The following MBLAC1 variants were observed in gnomAD, a reference collection of about 807,000 sequenced individuals.
MBLAC1 encodes the protein metallo-beta-lactamase domain-containing protein 1.
In MBLAC1, 1 loss-of-function variant was observed where a neutral mutation model predicts 1.5. The ratio of observed to expected loss-of-function variants is 0.68; its 90% CI spans 0.24 to 3.21. The LOEUF (loss-of-function observed/expected upper bound fraction) is 3.21. Ranked by LOEUF, MBLAC1 falls within the 30% of genes most tolerant of loss-of-function variation. The probability of loss-of-function intolerance (pLI) is 0.20; values close to 1 mark genes in which losing one functional copy is unlikely to be tolerated. For synonymous variants in MBLAC1, 197 were observed against 191.3 expected, an observed-to-expected ratio of 1.03 and a Z score of -0.25; for missense variants, 371 against 384.7, an observed-to-expected ratio of 0.96 and a Z score of 0.30.
chr7:100,127,264 G>A lies in MBLAC1; in HGVS notation c.-28-104G>A. ...GTGATACCAACTTAATGGGAGGCGG[G>A]TGGCAGAGAACCGAGGCTTAGGGGC... is the stretch of plus-strand genomic sequence containing the variant. On this transcript the variant is annotated intron_variant, in intron 1 of 1. Coordinates refer to ENST00000398075, the MANE Select transcript of MBLAC1 (RefSeq NM_203397.3). This position sits in a 1 kb window ranked among gnomAD's most constrained non-coding sequence, Gnocchi z 4.6. The A allele has an allele frequency of 1.2e-6, 1 of 833,222 alleles. No individual in the cohort carries two copies. The highest frequency in any genetic ancestry group is 1.8e-6 in the Non-Finnish European group (1 of 555,540). The allele number at this position is 833,222 out of a possible 1,614,324, so 51.6% of individuals were successfully genotyped here.
In MBLAC1 at chr7:100,128,163, G is replaced by C; in HGVS notation, c.768G>C (p.Pro256=). Residue 256 remains proline (P), a synonymous_variant, in exon 2 of 2, where the codon CCG becomes CCC. Coordinates refer to ENST00000398075, the MANE Select transcript of MBLAC1 (RefSeq NM_203397.3). ...TEGGGNSQQE[P]VVGDEEPALH ...GTGGAGGGAACAGCCAGCAGGAGCCGGTGGTCGGAGACGAGGAGCCCGCCC... is the reference window on the plus strand; with the variant it reads ...GTGGAGGGAACAGCCAGCAGGAGCCCGTGGTCGGAGACGAGGAGCCCGCCC... 6.2e-7 allele frequency: 1 copy of C among 1,601,306 alleles called. No homozygotes were observed. The highest frequency in any genetic ancestry group is 1.3e-5 in the African/African-American group (1 of 74,860).
chr7:100,127,625 G>T lies in MBLAC1; in HGVS notation c.230G>T (p.Arg77Leu). 7.2e-7 allele frequency: 1 copy of T among 1,397,814 alleles called. No homozygotes were observed. The allele number at this position is 1,397,814 out of a possible 1,614,324, so 86.6% of individuals were successfully genotyped here. A position where few individuals can be genotyped will look rare whatever the true frequency, so the allele number is the denominator to read the frequency against. ...GAGGCCGCCCTGGAGGAGGCGGCCCGTGGCCCCATCCTGGTGGACACCGGG... is the reference window on the plus strand; with the variant it reads ...GAGGCCGCCCTGGAGGAGGCGGCCCTTGGCCCCATCCTGGTGGACACCGGG... ...GAEAALEEAA[R>L]GPILVDTGGP... Residue 77 changes from arginine (R) to leucine (L), a missense_variant, in exon 2 of 2, where the codon CGT (arginine) becomes CTT (leucine). By Grantham distance (102) the Arg-to-Leu change is moderately radical (BLOSUM62 -2). Coordinates refer to ENST00000398075, the MANE Select transcript of MBLAC1 (RefSeq NM_203397.3). This position sits in a 1 kb window ranked among gnomAD's most constrained non-coding sequence, Gnocchi z 4.6.
chr7:100,126,985 A>C lies in MBLAC1; in HGVS notation c.-108A>C. The C allele has an allele frequency of 2.4e-5, 4 of 166,638 alleles. No individual in the cohort carries two copies. Among genetic ancestry groups the C allele is most frequent in the Non-Finnish European group, 2.6e-5 (2 of 77,166 alleles). The allele number at this position is 166,638 out of a possible 1,614,324, so 10.3% of individuals were successfully genotyped here. On this transcript the variant is annotated 5_prime_UTR_variant, in exon 1 of 2. Coordinates refer to ENST00000398075, the MANE Select transcript of MBLAC1 (RefSeq NM_203397.3). Reference sequence around the variant, plus strand: ...GGCCGCCATATCTGGGTACACGGGAACCGCAGAGGACAAACTCTCACCCGC... The same window carrying C: ...GGCCGCCATATCTGGGTACACGGGACCCGCAGAGGACAAACTCTCACCCGC...
At position 100,127,953 on chromosome 7, in the gene MBLAC1, C is replaced by CGTG; in HGVS notation, c.566_568dup (p.Val189dup). 8.1e-6 allele frequency: 13 copies of CGTG among 1,604,584 alleles called. No homozygotes were observed. Among genetic ancestry groups the CGTG allele is most frequent in the Non-Finnish European group, 1.1e-5 (13 of 1,175,646 alleles). On this transcript the variant is annotated inframe_insertion, in exon 2 of 2. Transcript: ENST00000398075. The surrounding 1 kb of genome is among the most constrained non-coding windows in gnomAD (Gnocchi z 4.6). Reference sequence around the variant, plus strand: ...TGGTGGCCGGCACGGCTCTGGGCACCGTGGTGGTGGCGGGAGATGTGTTTG... The same window carrying CGTG: ...TGGTGGCCGGCACGGCTCTGGGCACCGTGGTGGTGGTGGCGGGAGATGTGTTTG...
rs1340433851 is a variant in MBLAC1, at chr7:100,127,571, G to T, written c.176G>T (p.Arg59Leu). The T allele has an allele frequency of 7.0e-7, 1 of 1,436,604 alleles. No individual in the cohort carries two copies. Among genetic ancestry groups the T allele is most frequent in the Non-Finnish European group, 9.1e-7 (1 of 1,104,226 alleles). 89.0% of individuals were successfully genotyped at this position (1,436,604 alleles called of 1,614,324 possible). A position where few individuals can be genotyped will look rare whatever the true frequency, so the allele number is the denominator to read the frequency against. ...ACCCGGGGCCCGGCCTCCAGCCACC[G>T]AGAGTCCCCGCGCGGGAGTGGCGGC... ...PQTRGPASSH[R>L]ESPRGSGGAE... Residue 59 changes from arginine (R) to leucine (L), a missense_variant, in exon 2 of 2, where the codon CGA becomes CTA. Physicochemically the swap from Arg to Leu is moderately radical, Grantham distance 102. Transcript: ENST00000398075. The surrounding 1 kb of genome is among the most constrained non-coding windows in gnomAD (Gnocchi z 4.6).
rs998500132 is a variant in MBLAC1, at chr7:100,127,143, G to A, written c.-29+79G>A. 7.8e-6 allele frequency: 4 copies of A among 511,838 alleles called. No homozygotes were observed. The highest frequency in any genetic ancestry group is 3.6e-5 in the East Asian group (1 of 28,144). The allele number at this position is 511,838 out of a possible 1,614,324, so 31.7% of individuals were successfully genotyped here. On this transcript the variant is annotated intron_variant, in intron 1 of 1. Coordinates refer to ENST00000398075, the MANE Select transcript of MBLAC1 (RefSeq NM_203397.3). This position sits in a 1 kb window ranked among gnomAD's most constrained non-coding sequence, Gnocchi z 4.6. ...GGTGACGGGCAAGGACGTACGTACCGCGAACGGAATGGGGCGGGGGCCGAG... is the reference window on the plus strand; with the variant it reads ...GGTGACGGGCAAGGACGTACGTACCACGAACGGAATGGGGCGGGGGCCGAG...
In MBLAC1 at chr7:100,128,437, A is replaced by C. The variant is rs1584595230; in HGVS notation, c.*241A>C. On this transcript the variant is annotated 3_prime_UTR_variant, in exon 2 of 2. Coordinates refer to ENST00000398075, the MANE Select transcript of MBLAC1 (RefSeq NM_203397.3). ...TGTGCATTCTCCCTGGGCCTCAGTA[A>C]AATGGGAGAAGGTTCGTGGGAGGGG... 1 of 482,754 alleles carries C rather than the reference A, an allele frequency of 2.1e-6. No individual in the cohort carries two copies. The highest frequency in any genetic ancestry group is 2.0e-5 in the African/African-American group (1 of 50,712). 29.9% of individuals were successfully genotyped at this position (482,754 alleles called of 1,614,324 possible).
In MBLAC1 at chr7:100,127,864, C is replaced by A; in HGVS notation, c.469C>A (p.Leu157Met). ...GCTGGGTGAGGGGCAGCCCCTGCGC[C>A]TGGGCCCGGGGCTCGAGGTGTGGGC... Reference protein sequence around the residue: ...HGLGEGQPLRLGPGLEVWATP... With the variant: ...HGLGEGQPLRMGPGLEVWATP... Residue 157 changes from leucine to methionine, a missense_variant, in exon 2 of 2, where the codon CTG (leucine) becomes ATG (methionine). Physicochemically the swap from Leu to Met is conservative, Grantham distance 15. Transcript: ENST00000398075. The surrounding 1 kb of genome is among the most constrained non-coding windows in gnomAD (Gnocchi z 4.6). 1 of 1,559,304 alleles carries A rather than the reference C, an allele frequency of 6.4e-7. No homozygotes were observed. The highest frequency in any genetic ancestry group is 1.2e-5 in the South Asian group (1 of 85,482).
rs1798259404 is a variant in MBLAC1 at position 100,127,616 on chromosome 7, A to C, written c.221A>C (p.Glu74Ala). Residue 74 changes from glutamate to alanine, a missense_variant, in exon 2 of 2, where the codon GAG (glutamate) becomes GCG (alanine). Physicochemically the swap from Glu to Ala is moderately radical, Grantham distance 107. Coordinates refer to ENST00000398075, the MANE Select transcript of MBLAC1 (RefSeq NM_203397.3). The surrounding 1 kb of genome is among the most constrained non-coding windows in gnomAD (Gnocchi z 4.6). ...GGCGGCGCAGAGGCCGCCCTGGAGG[A>C]GGCGGCCCGTGGCCCCATCCTGGTG... is the stretch of plus-strand genomic sequence containing the variant. ...GSGGAEAALE[E>A]AARGPILVDT... is the part of the protein sequence containing the mutation. 2 of 1,393,396 alleles carry C rather than the reference A, an allele frequency of 1.4e-6. No individual in the cohort carries two copies. Among genetic ancestry groups the C allele is most frequent in the Non-Finnish European group, 1.9e-6 (2 of 1,080,652 alleles). 86.3% of individuals were successfully genotyped at this position (1,393,396 alleles called of 1,614,324 possible).
At position 100,127,802 on chromosome 7, in the gene MBLAC1, A is replaced by T; in HGVS notation, c.407A>T (p.Asp136Val). ...GGCGCGGCTCTGCTGGTCTCGCACG[A>T]CTTCTGCCTTCCCGGAGGCCGCTAC... ...FPGAALLVSH[D>V]FCLPGGRYLP... Residue 136 changes from aspartate (D) to valine (V), a missense_variant, in exon 2 of 2, where the codon GAC becomes GTC. By Grantham distance (152) the Asp-to-Val change is radical. Coordinates refer to ENST00000398075, the MANE Select transcript of MBLAC1 (RefSeq NM_203397.3). This position sits in a 1 kb window ranked among gnomAD's most constrained non-coding sequence, Gnocchi z 4.6. 1 of 1,581,066 alleles carries T rather than the reference A, an allele frequency of 6.3e-7. No homozygotes were observed. Among genetic ancestry groups the T allele is most frequent in the Non-Finnish European group, 8.6e-7 (1 of 1,163,330 alleles).
Position 100,127,766 on chromosome 7 carries a change from G to T in MBLAC1, c.371G>T (p.Gly124Val), listed in dbSNP as rs1336480987. The T allele has an allele frequency of 1.9e-6, 3 of 1,554,262 alleles. 1 individual carries two copies. In the African/African-American group the frequency reaches 4.1e-5, roughly 21 times the overall value. The change falls in exon 2 of 2, where the codon GGG (glycine) becomes GTG (valine). Residue 124 changes from glycine to valine, a missense_variant. By Grantham distance (109) the Gly-to-Val change is moderately radical (BLOSUM62 -3). Transcript: ENST00000398075. The surrounding 1 kb of genome is among the most constrained non-coding windows in gnomAD (Gnocchi z 4.6). ...HGHSDHIGNLGLFPGAALLVS... is the reference protein window; with the variant it reads ...HGHSDHIGNLVLFPGAALLVS... ...CACTCGGATCACATCGGGAACTTGG[G>T]GCTGTTCCCAGGCGCGGCTCTGCTG...
In MBLAC1 at chr7:100,127,311, T is replaced by TGGGGGATCGCGGAGGGACA; in HGVS notation, c.-28-54_-28-36dup. 7.8e-7 allele frequency: 1 copy of TGGGGGATCGCGGAGGGACA among 1,290,310 alleles called. No homozygotes were observed. Among genetic ancestry groups the TGGGGGATCGCGGAGGGACA allele is most frequent in the African/African-American group, 1.5e-5 (1 of 64,700 alleles). 79.9% of individuals were successfully genotyped at this position (1,290,310 alleles called of 1,614,324 possible). A position where few individuals can be genotyped will look rare whatever the true frequency, so the allele number is the denominator to read the frequency against. Reference sequence around the variant, plus strand: ...GGGCAGTGGCGGGGCCGAGCGCGGGTGGGGGATCGCGGAGGGACAGGACGG... The same window carrying TGGGGGATCGCGGAGGGACA: ...GGGCAGTGGCGGGGCCGAGCGCGGGTGGGGGATCGCGGAGGGACAGGGGGATCGCGGAGGGACAGGACGG... On this transcript the variant is annotated intron_variant, in intron 1 of 1. Transcript: ENST00000398075. The surrounding 1 kb of genome is among the most constrained non-coding windows in gnomAD (Gnocchi z 4.6).
Position 100,127,350 on chromosome 7 carries a change from C to T in MBLAC1, c.-28-18C>T, listed in dbSNP as rs755562779. The T allele has an allele frequency of 4.0e-6, 6 of 1,514,928 alleles. No individual in the cohort carries two copies. In the South Asian group the frequency reaches 7.3e-5, roughly 19 times the overall value. 93.8% of individuals were successfully genotyped at this position (1,514,928 alleles called of 1,614,324 possible). ...GGGACAGGACGGTCGCCCACTGCTC[C>T]ATTTCCTTTCTCCCCAGCCCGTCCC... is the stretch of plus-strand genomic sequence containing the variant. On this transcript the variant is annotated intron_variant, in intron 1 of 1. Transcript: ENST00000398075. This position sits in a 1 kb window ranked among gnomAD's most constrained non-coding sequence, Gnocchi z 4.6.
chr7:100,127,493 G>C lies in MBLAC1; in HGVS notation c.98G>C (p.Gly33Ala), dbSNP rs777766976. 1.2e-5 allele frequency: 19 copies of C among 1,586,576 alleles called. No homozygotes were observed. The highest frequency in any genetic ancestry group is 1.6e-5 in the Non-Finnish European group (19 of 1,174,538). Residue 33 changes from glycine to alanine, a missense_variant, in exon 2 of 2, where the codon GGT becomes GCT. Coordinates refer to ENST00000398075, the MANE Select transcript of MBLAC1 (RefSeq NM_203397.3). The surrounding 1 kb of genome is among the most constrained non-coding windows in gnomAD (Gnocchi z 4.6). ...VLLQGYAEPEGVGDAVRADGS... is the reference protein window; with the variant it reads ...VLLQGYAEPEAVGDAVRADGS... ...CTGCAGGGCTACGCGGAGCCAGAGG[G>C]TGTGGGCGATGCCGTGCGCGCCGAC...
At position 100,128,242 on chromosome 7, in the gene MBLAC1, C is replaced by T. The variant is rs374050589; in HGVS notation, c.*46C>T. The T allele has an allele frequency of 3.3e-6, 5 of 1,493,426 alleles. No homozygotes were observed. The highest frequency in any genetic ancestry group is 4.5e-6 in the Non-Finnish European group (5 of 1,106,086). 92.5% of individuals were successfully genotyped at this position (1,493,426 alleles called of 1,614,324 possible). ...ACTCTTGTCAGGGAAGCCCTAACAG[C>T]GAAGAGCTGCTGGAGACAGAGTCAG... On this transcript the variant is annotated 3_prime_UTR_variant, in exon 2 of 2. Transcript: ENST00000398075.
In MBLAC1 at chr7:100,127,972, G is replaced by A; in HGVS notation, c.577G>A (p.Val193Met). ...GGGCACCGTGGTGGTGGCGGGAGAT[G>A]TGTTTGAGCGAGATGGGGACGAGGA... ...ALGTVVVAGD[V>M]FERDGDEDSW... is the part of the protein sequence containing the mutation. Residue 193 changes from valine (V) to methionine (M), a missense_variant, in exon 2 of 2, where the codon GTG (valine) becomes ATG (methionine). Physicochemically the swap from Val to Met is conservative, Grantham distance 21. Transcript: ENST00000398075. The surrounding 1 kb of genome is among the most constrained non-coding windows in gnomAD (Gnocchi z 4.6). The A allele has an allele frequency of 6.2e-7, 1 of 1,611,064 alleles. No individual in the cohort carries two copies. Among genetic ancestry groups the A allele is most frequent in the East Asian group, 2.2e-5 (1 of 44,728 alleles).
rs1798278183 is a variant in MBLAC1, at chr7:100,128,115, A to C, written c.720A>C (p.Glu240Asp). 6.2e-7 allele frequency: 1 copy of C among 1,608,378 alleles called. No individual in the cohort carries two copies. The highest frequency in any genetic ancestry group is 8.5e-7 in the Non-Finnish European group (1 of 1,177,694). The change falls in exon 2 of 2, where the codon GAA becomes GAC. Residue 240 changes from glutamate (E) to aspartate (D), a missense_variant. Coordinates refer to ENST00000398075, the MANE Select transcript of MBLAC1 (RefSeq NM_203397.3). ...GGCCCCCCTTTCGAGTGTTAAGGGA[A>C]GCCTCGCAGCCCGAGACGGAGGGTG... ...GHGPPFRVLR[E>D]ASQPETEGGG...
Position 100,127,892 on chromosome 7 carries a change from C to T in MBLAC1, c.497C>T (p.Thr166Met). ...GGCCCGGGGCTCGAGGTGTGGGCCA[C>T]GCCGGGCCACGGGGGCCAGCGCGAC... ...RLGPGLEVWA[T>M]PGHGGQRDVS... Residue 166 changes from threonine to methionine, a missense_variant, in exon 2 of 2, where the codon ACG becomes ATG. By Grantham distance (81) the Thr-to-Met change is moderately conservative (BLOSUM62 -1). Coordinates refer to ENST00000398075, the MANE Select transcript of MBLAC1 (RefSeq NM_203397.3). The surrounding 1 kb of genome is among the most constrained non-coding windows in gnomAD (Gnocchi z 4.6). 2 of 1,565,486 alleles carry T rather than the reference C, an allele frequency of 1.3e-6. No homozygotes were observed. The highest frequency in any genetic ancestry group is 1.4e-5 in the African/African-American group (1 of 73,842).
Position 100,127,560 on chromosome 7 carries a change from C to G in MBLAC1, c.165C>G (p.Ala55=). ...TLVLPQTRGP[A]SSHRESPRGS... is the part of the protein sequence containing the mutation. ...TCCTACCCCAGACCCGGGGCCCGGC[C>G]TCCAGCCACCGAGAGTCCCCGCGCG... is the stretch of plus-strand genomic sequence containing the variant. The change falls in exon 2 of 2, where the codon GCC becomes GCG. Residue 55 remains alanine (A), a synonymous_variant. Transcript: ENST00000398075. This position sits in a 1 kb window ranked among gnomAD's most constrained non-coding sequence, Gnocchi z 4.6. The G allele has an allele frequency of 6.9e-7, 1 of 1,449,742 alleles. No homozygotes were observed. Among genetic ancestry groups the G allele is most frequent in the Non-Finnish European group, 9.0e-7 (1 of 1,110,126 alleles). The allele number at this position is 1,449,742 out of a possible 1,614,324, so 89.8% of individuals were successfully genotyped here.
Sources: gnomAD v4.1 joint callset for allele counts on GRCh38, gnomAD v4.1.1 for gene constraint, Gnocchi (gnomAD v3.1) non-coding constraint, MANE v1.5 for transcripts, NCBI Gene and HGNC (gene_info 2026-07-23, HGNC 2026-07-21) for gene names.